LRRC7: variants seen among roughly 807,000 people sequenced by gnomAD.
LRRC7 encodes the protein leucine-rich repeat-containing protein 7.
A neutral mutation model predicts 175.7 loss-of-function variants in LRRC7; 23 were observed. The observed-to-expected ratio is 0.13, with a 90% confidence interval of 0.09 to 0.19. The LOEUF is 0.19. Among genes scored for constraint, LRRC7 ranks in the 10% least tolerant of loss-of-function variants. LRRC7 has a pLI of 1.00. For synonymous variants in LRRC7, 685 were observed against 680.9 expected, an observed-to-expected ratio of 1.01 and a Z score of -0.09; for missense variants, 1,354 against 1,904.7, an observed-to-expected ratio of 0.71 and a Z score of 5.38.
intron 7 of LRRC7, among the ~76,000 whole-genome samples, chr1:69,854,904 G>T (rs775787390): frequency 1.3e-5 from 2 of 152,020 alleles, no homozygotes; most frequent in African/African-American, 2.4e-5. Context: ...TGGCGAAGTG[G>T]GGGGGACCTG....
At chr1:69,941,575 G>A (rs191577654) in intron 8 of LRRC7, among the ~76,000 whole-genome samples, 75 of 151,696 alleles carry the variant, frequency 4.9e-4, no homozygotes, top group Non-Finnish European at 8.2e-4. Flanking sequence ...TCTGAATTTT[G>A]TAAATTGAGG....
At chr1:69,678,610 A>G in intron 2 of LRRC7, 132 bp downstream of exon 2, 1 of 635,430 alleles carries the variant, frequency 1.6e-6, no homozygotes, top group Non-Finnish European at 2.8e-6. Context: ...GTCTTTTAAA[A>G]TAAGTTACCA....
chr1:69,741,711 A>T (rs1036885440), intron 2 of LRRC7, among the ~76,000 whole-genome samples: 2 of 152,006 alleles, frequency 1.3e-5, no homozygotes, highest in African/African-American at 4.8e-5. Context: ...CTAGCCAGTC[A>T]CCGAGTCTTG....
At chr1:70,045,185 A>C (rs1425687168) in intron 22 of LRRC7, among the ~76,000 whole-genome samples, 6 of 151,944 alleles carry the variant, frequency 3.9e-5, no homozygotes, top group East Asian at 1.9e-4. Flanking sequence ...AAAAAAAAAA[A>C]CACTAAATTG....
rs201837300 is a variant in LRRC7, at chr1:69,781,679, C to CA, written c.304-10356dup. On this transcript the variant is annotated intron_variant, in intron 3 of 26. Coordinates refer to ENST00000651989, the MANE Select transcript of LRRC7 (RefSeq NM_001370785.2). ...CCTGGGAGACAGAGCAAGACTGTCT[C>CA]AAAAAAAAGAAGAAAGAAAGAAAGA... Among the ~76,000 whole-genome samples the CA allele has an allele frequency of 6.7e-3, 484 of 72,146 alleles. 20 individuals carry two copies. Among genetic ancestry groups the CA allele is most frequent in the African/African-American group, 0.029 (407 of 14,242 alleles). The allele number at this position is 72,146 out of a possible 152,430, so 47.3% of individuals were successfully genotyped here. A position where few individuals can be genotyped will look rare whatever the true frequency, so the allele number is the denominator to read the frequency against.
chr1:69,596,637 A>G (rs1307806483), intron 1 of LRRC7, among the ~76,000 whole-genome samples: 1 of 152,250 alleles, frequency 6.6e-6, no homozygotes, highest in African/African-American at 2.4e-5. Flanking sequence ...CTGGAAGTCA[A>G]TCATTTGAAT....
At chr1:69,866,417 C>T (rs1684954152) in intron 7 of LRRC7, among the ~76,000 whole-genome samples, 2 of 152,110 alleles carry the variant, frequency 1.3e-5, no homozygotes, top group African/African-American at 4.8e-5. Context: ...CAGCAGCAGG[C>T]TTGGTGATGA....
At chr1:69,861,163 T>C (rs1938583) in intron 7 of LRRC7, among the ~76,000 whole-genome samples, 1,888 of 152,236 alleles carry the variant, frequency 0.012, 34 homozygotes, top group African/African-American at 0.042. Context: ...TTTATGTATA[T>C]ACAAAGCATT....
At chr1:69,770,849 C>T (rs919816569) in intron 3 of LRRC7, among the ~76,000 whole-genome samples, 1 of 152,128 alleles carries the variant, frequency 6.6e-6, no homozygotes. Context: ...TAAAAAATGA[C>T]CTTTTAAAAT....
In LRRC7 at chr1:70,012,757, T is replaced by A. The variant is rs145135061; in HGVS notation, c.1135-217T>A. 3.4e-3 allele frequency among the ~76,000 whole-genome samples: 507 copies of A among 151,314 alleles called. 3 individuals carry two copies. The highest frequency in any genetic ancestry group is 0.011 in the African/African-American group (471 of 41,464). ...TATAAAGAAAATTCTTCATTTTTAA[T>A]ATGTAAAAGAAAATTTGGTATAAAT... is the stretch of plus-strand genomic sequence containing the variant. On this transcript the variant is annotated intron_variant, in intron 12 of 26. Coordinates refer to ENST00000651989, the MANE Select transcript of LRRC7 (RefSeq NM_001370785.2).
intron 10 of LRRC7, among the ~76,000 whole-genome samples, chr1:69,988,506 A>G (rs985091618): frequency 3.3e-5 from 5 of 152,234 alleles, no homozygotes; most frequent in Non-Finnish European, 5.9e-5. Flanking sequence ...CAATATCTCC[A>G]GGCCTGATGG....
intron 2 of LRRC7, among the ~76,000 whole-genome samples, chr1:69,717,776 A>G (rs1450683635): frequency 6.0e-5 from 1 of 16,734 alleles, no homozygotes; most frequent in Admixed American, 8.2e-4. Context: ...GAAAAAAAGA[A>G]AGAAAGAAAG....
chr1:69,787,825 G>A (rs190890557), intron 3 of LRRC7, among the ~76,000 whole-genome samples: 87 of 152,020 alleles, frequency 5.7e-4, no homozygotes, highest in African/African-American at 2.0e-3. Flanking sequence ...ACCTCCCACC[G>A]GGTCCCTCCC....
chr1:69,997,378 T>C (rs1205092270), intron 11 of LRRC7, among the ~76,000 whole-genome samples: 11 of 149,444 alleles, frequency 7.4e-5, no homozygotes, highest in African/African-American at 2.7e-4. Context: ...TTTTCCTAAT[T>C]GAATACCCTT....
At chr1:69,814,587 T>G (rs1374513689) in intron 4 of LRRC7, among the ~76,000 whole-genome samples, 1 of 152,198 alleles carries the variant, frequency 6.6e-6, no homozygotes, top group Non-Finnish European at 1.5e-5. Flanking sequence ...AATGCTCAGT[T>G]AAGTGACAAA....
intron 1 of LRRC7, among the ~76,000 whole-genome samples, chr1:69,587,145 C>G (rs1216775928): frequency 6.6e-6 from 1 of 151,486 alleles, no homozygotes; most frequent in African/African-American, 2.4e-5. Context: ...TAGGAAATGG[C>G]TTCCTTCTTA....
Position 70,143,149 on chromosome 1 carries a change from C to A in LRRC7, c.*21262C>A, listed in dbSNP as rs1001107929. On this transcript the variant is annotated 3_prime_UTR_variant, in exon 27 of 27. Coordinates refer to ENST00000651989, the MANE Select transcript of LRRC7 (RefSeq NM_001370785.2). Reference sequence around the variant, plus strand: ...TGTAAGTTTAAGAAAAATTCCTAAGCAGTGATACAACTTTGGGTCGCTATT... The same window carrying A: ...TGTAAGTTTAAGAAAAATTCCTAAGAAGTGATACAACTTTGGGTCGCTATT... The A allele has an allele frequency of 3.3e-5, 5 of 150,842 alleles. No individual in the cohort carries two copies. Among genetic ancestry groups the A allele is most frequent in the Non-Finnish European group, 5.9e-5 (4 of 67,858 alleles). 9.3% of individuals were successfully genotyped at this position (150,842 alleles called of 1,614,324 possible). A position where few individuals can be genotyped will look rare whatever the true frequency, so the allele number is the denominator to read the frequency against.
chr1:70,121,235 A>T (rs1666190404), intron 26 of LRRC7, among the ~76,000 whole-genome samples: 1 of 152,064 alleles, frequency 6.6e-6, no homozygotes, highest in Non-Finnish European at 1.5e-5. Context: ...ATAGATAATA[A>T]GTATACTTGC....
chr1:69,584,678 T>C (rs377730436), intron 1 of LRRC7, among the ~76,000 whole-genome samples: 3 of 152,152 alleles, frequency 2.0e-5, no homozygotes, highest in East Asian at 3.9e-4. Flanking sequence ...ATCTTACCCC[T>C]TCCCCAGTTA....
Sources: gnomAD v4.1 joint callset for allele counts (sites outside exome capture counted in the v4.1 genomes callset) on GRCh38, gnomAD v4.1.1 for gene constraint, MANE v1.5 for transcripts, NCBI Gene and HGNC (gene_info 2026-07-23, HGNC 2026-07-21) for gene names.